The following LPIN2 variants were observed in gnomAD, a reference collection of about 807,000 sequenced individuals.
LPIN2 encodes the protein phosphatidate phosphatase LPIN2.
A neutral mutation model predicts 111.4 loss-of-function variants in LPIN2; 55 were observed. The observed-to-expected ratio is 0.49, with a 90% CI of 0.40 to 0.62. LPIN2 has a LOEUF of 0.62. Among genes scored for constraint, LPIN2 ranks in the 20% least tolerant of loss-of-function variants. The probability of loss-of-function intolerance (pLI) is 0.00; values close to 1 mark genes in which losing one functional copy is unlikely to be tolerated. For synonymous variants in LPIN2, 425 were observed against 414.0 expected, an observed-to-expected ratio of 1.03 and a Z score of -0.32; for missense variants, 992 against 1,112.1, an observed-to-expected ratio of 0.89 and a Z score of 1.54.
At chr18:2,998,824 C>T (rs143506485) in intron 1 of LPIN2, among the ~76,000 whole-genome samples, 6 of 152,304 alleles carry the variant, frequency 3.9e-5, no homozygotes, top group Admixed American at 6.5e-5. Context: ...GGTTTACTTT[C>T]TCATAAGACA....
intron 2 of LPIN2, among the ~76,000 whole-genome samples, chr18:2,955,144 T>C (rs992902401): frequency 6.6e-6 from 1 of 152,190 alleles, no homozygotes; most frequent in Non-Finnish European, 1.5e-5. Flanking sequence ...AGTAATATCA[T>C]GTCAAAAAAA....
At chr18:2,958,134 T>G (rs2077641823) in intron 2 of LPIN2, among the ~76,000 whole-genome samples, 1 of 36,582 alleles carries the variant, frequency 2.7e-5, no homozygotes, top group African/African-American at 8.6e-5. Flanking sequence ...AAAGCGAGAC[T>G]CCATCTCAAA....
At position 2,961,966 on chromosome 18, in the gene LPIN2, G is replaced by C. The variant is rs949459631; in HGVS notation, c.-9-1117C>G. 1.8e-4 allele frequency among the ~76,000 whole-genome samples: 27 copies of C among 152,308 alleles called. 1 individual carries two copies. The highest frequency in any genetic ancestry group is 1.6e-4 in the Non-Finnish European group (11 of 68,034). On this transcript the variant is annotated intron_variant, in intron 1 of 19. Transcript: ENST00000677752. Reference sequence around the variant, plus strand: ...CTACACCCAGCTTGGAGGCTGCCTTGAGCTTAAAGGTCCATGCTCTGAAAA... The same window carrying C: ...CTACACCCAGCTTGGAGGCTGCCTTCAGCTTAAAGGTCCATGCTCTGAAAA...
intron 1 of LPIN2, among the ~76,000 whole-genome samples, chr18:2,976,148 C>G (rs530031023): frequency 6.6e-6 from 1 of 152,290 alleles, no homozygotes; most frequent in Non-Finnish European, 1.5e-5. Context: ...CATTAAAGAA[C>G]TTTAGTTAAT....
intron 1 of LPIN2, among the ~76,000 whole-genome samples, chr18:3,008,803 C>G (rs1484583510): frequency 6.6e-6 from 1 of 151,972 alleles, no homozygotes; most frequent in Admixed American, 6.6e-5. Flanking sequence ...GCCTCAACTC[C>G]TTGGCTGAAG....
chr18:3,009,974 C>T (rs1276371975), intron 1 of LPIN2, among the ~76,000 whole-genome samples: 1 of 152,054 alleles, frequency 6.6e-6, no homozygotes, highest in Non-Finnish European at 1.5e-5. Flanking sequence ...TCCTTTCTGA[C>T]TGAGAAGTTG....
chr18:2,969,968 T>C (rs560973593), intron 1 of LPIN2, among the ~76,000 whole-genome samples: 21 of 152,076 alleles, frequency 1.4e-4, no homozygotes, highest in Admixed American at 9.8e-4. Context: ...TAGATAGTAA[T>C]AGAATTTTAG....
chr18:2,957,098 G>A (rs2077625937), intron 2 of LPIN2, among the ~76,000 whole-genome samples: 1 of 152,186 alleles, frequency 6.6e-6, no homozygotes, highest in African/African-American at 2.4e-5. Context: ...CTTACACTGT[G>A]GCTTAATTGT....
At chr18:2,974,410 G>A (rs796695367) in intron 1 of LPIN2, among the ~76,000 whole-genome samples, 1 of 152,186 alleles carries the variant, frequency 6.6e-6, no homozygotes, top group Admixed American at 6.5e-5. Flanking sequence ...GGAATCTTCA[G>A]TGTCCTTGGG....
rs79205269 is a variant in LPIN2, at chr18:2,918,583, A to G, written c.*1710T>C. ...ATTAAACAATTAGTCCTTATCAACT[A>G]TTTAAGCTGGGGGAAGCTTTGCATG... is the stretch of plus-strand genomic sequence containing the variant. On this transcript the variant is annotated 3_prime_UTR_variant, in exon 20 of 20. Coordinates refer to ENST00000677752, the MANE Select transcript of LPIN2 (RefSeq NM_001375808.2). 1 of 152,316 alleles carries G rather than the reference A, an allele frequency of 6.6e-6. No homozygotes were observed. Among genetic ancestry groups the G allele is most frequent in the African/African-American group, 2.4e-5 (1 of 41,564 alleles). The allele number at this position is 152,316 out of a possible 1,614,324, so 9.4% of individuals were successfully genotyped here. A position where few individuals can be genotyped will look rare whatever the true frequency, so the allele number is the denominator to read the frequency against.
chr18:2,981,918 AT>A, intron 1 of LPIN2, among the ~76,000 whole-genome samples: 1 of 152,340 alleles, frequency 6.6e-6, no homozygotes, highest in African/African-American at 2.4e-5. Context: ...AAAAATATCC[AT>A]CCTTAATTTT....
chr18:2,945,520 G>GT (rs2077437501), intron 4 of LPIN2: 1 of 1,127,046 alleles, frequency 8.9e-7, no homozygotes, highest in Admixed American at 1.7e-5. Flanking sequence ...TCTGAAATAC[G>GT]TAATAGCCTT....
intron 9 of LPIN2, among the ~76,000 whole-genome samples, chr18:2,930,408 T>TGAAGAGACAGG (rs2077197298): frequency 6.6e-6 from 1 of 151,952 alleles, no homozygotes; most frequent in Admixed American, 6.5e-5. Flanking sequence ...AAACAAACAA[T>TGAAGAGACAGG]GAAGAGACAG....
At chr18:2,962,002 T>G (rs664944) in intron 1 of LPIN2, among the ~76,000 whole-genome samples, 139,948 of 152,248 alleles carry the variant, frequency 0.92, 65,055 homozygotes, top group Non-Finnish European at 0.99. Context: ...GTTTCAGAGA[T>G]CATGTTCTGT....
At chr18:3,011,662 G>A (rs546506684) in intron 1 of LPIN2, 2 of 152,392 alleles carry the variant, frequency 1.3e-5, no homozygotes, top group East Asian at 3.9e-4. Flanking sequence ...ACTCCAGCCT[G>A]GGCGACAGAG....
intron 18 of LPIN2, chr18:2,921,290 A>C: frequency 2.3e-5 from 13 of 574,022 alleles, no homozygotes; most frequent in East Asian, 9.2e-5. Context: ...AGGAAATGGA[A>C]TGGCAGCCAC....
intron 2 of LPIN2, among the ~76,000 whole-genome samples, chr18:2,955,321 T>C (rs1192500861): frequency 6.6e-6 from 1 of 152,096 alleles, no homozygotes; most frequent in African/African-American, 2.4e-5. Flanking sequence ...CAGGAAACCT[T>C]TACTCACGGT....
At chr18:2,926,859 C>G in intron 12 of LPIN2, 54 bp from the exon 13 acceptor site, 1 of 1,384,088 alleles carries the variant, frequency 7.2e-7, no homozygotes, top group East Asian at 2.3e-5. Context: ...ACAGATAAGC[C>G]AAGTTCATCA....
chr18:2,920,670 T>G, intron 19 of LPIN2, 108 bp downstream of exon 19: 1 of 878,886 alleles, frequency 1.1e-6, no homozygotes, highest in South Asian at 1.4e-5. Flanking sequence ...GCTGATCCTT[T>G]GATCAGGGCC....
Sources: allele counts gnomAD v4.1 joint callset (sites outside exome capture counted in the v4.1 genomes callset), GRCh38; gene constraint gnomAD v4.1.1; transcripts MANE v1.5; gene names NCBI Gene and HGNC (gene_info 2026-07-23, HGNC 2026-07-21).